The following INPP5D variants were observed in gnomAD, a reference collection of about 807,000 sequenced individuals.
INPP5D encodes phosphatidylinositol 3,4,5-trisphosphate 5-phosphatase 1.
In INPP5D, 33 loss-of-function variants were observed where a neutral mutation model predicts 122.9. The observed-to-expected ratio is 0.27, with a 90% CI of 0.20 to 0.36. The LOEUF is 0.36. INPP5D is among the 10% of genes least tolerant of loss of function. The probability of loss-of-function intolerance (pLI) is 1.00; values close to 1 mark genes in which losing one functional copy is unlikely to be tolerated. For synonymous variants in INPP5D, 584 were observed against 576.2 expected, an observed-to-expected ratio of 1.01 and a Z score of -0.19; for missense variants, 1,053 against 1,412.7, an observed-to-expected ratio of 0.75 and a Z score of 4.08.
At chr2:233,155,429 C>G (rs936864225) in intron 9 of INPP5D, among the ~76,000 whole-genome samples, 10 of 152,016 alleles carry the variant, frequency 6.6e-5, no homozygotes, top group Non-Finnish European at 1.3e-4. Context: ...TCAAGACCAG[C>G]CTGGCCAACA....
chr2:233,202,281 C>T (rs1036618358), intron 25 of INPP5D, among the ~76,000 whole-genome samples: 22 of 152,228 alleles, frequency 1.4e-4, no homozygotes, highest in African/African-American at 5.3e-4. Context: ...TTGGCTAACT[C>T]ACAGCAACGG....
intron 2 of INPP5D, among the ~76,000 whole-genome samples, chr2:233,084,814 G>A (rs762254851): frequency 1.3e-5 from 2 of 152,258 alleles, no homozygotes; most frequent in Non-Finnish European, 2.9e-5. Context: ...GCTGCCCTGT[G>A]TGGGCTCCAC....
At position 233,170,969 on chromosome 2, in the gene INPP5D, C is replaced by A. The variant is rs1694480839; in HGVS notation, c.1901-95C>A. ...GAGCCTTTCCAGCCATCCTTTCGTCCCCTTTCCCCTGATTTCCTACCAGAA... is the reference window on the plus strand; with the variant it reads ...GAGCCTTTCCAGCCATCCTTTCGTCACCTTTCCCCTGATTTCCTACCAGAA... On this transcript the variant is annotated intron_variant, in intron 16 of 26. Transcript: ENST00000445964. The surrounding 1 kb of genome is among the most constrained non-coding windows in gnomAD (Gnocchi z 4.5). 4.6e-6 allele frequency: 7 copies of A among 1,526,866 alleles called. No homozygotes were observed. Among genetic ancestry groups the A allele is most frequent in the Non-Finnish European group, 5.3e-6 (6 of 1,128,048 alleles). 94.6% of individuals were successfully genotyped at this position (1,526,866 alleles called of 1,614,324 possible).
chr2:233,161,546 G>A (rs1415149912), intron 10 of INPP5D, among the ~76,000 whole-genome samples, 178 bp from the exon 11 acceptor site: 1 of 152,176 alleles, frequency 6.6e-6, no homozygotes, highest in Non-Finnish European at 1.5e-5. Flanking sequence ...GCAGGGGAGT[G>A]TCTAGGCCAG....
At chr2:233,176,397 A>G (rs868180890) in intron 17 of INPP5D, among the ~76,000 whole-genome samples, 3 of 149,120 alleles carry the variant, frequency 2.0e-5, no homozygotes, top group Admixed American at 6.7e-5. Context: ...GGATGGATGG[A>G]TGGATAGATA....
At chr2:233,142,889 C>CT (rs1221606122) in intron 6 of INPP5D, among the ~76,000 whole-genome samples, 3 of 152,082 alleles carry the variant, frequency 2.0e-5, no homozygotes, top group Admixed American at 1.3e-4. Context: ...TGGAGGACTC[C>CT]TGTGCACTCT....
intron 19 of INPP5D, 62 bp downstream of exon 19, chr2:233,182,561 G>T: frequency 3.1e-6 from 5 of 1,599,886 alleles, no homozygotes; most frequent in Non-Finnish European, 2.6e-6. Flanking sequence ...TTGGGAGCTT[G>T]TCTTCAGGTG....
Position 233,165,880 on chromosome 2 carries a change from G to A in INPP5D, c.1555+1456G>A, listed in dbSNP as rs545612470. On this transcript the variant is annotated intron_variant, in intron 13 of 26. Transcript: ENST00000445964. ...TGTGTGTGTGTGTGTGCCCGTGTGT[G>A]CACGTGGGGTGGTATACACACAGGG... Among the ~76,000 whole-genome samples, 6 of 152,148 alleles carry A rather than the reference G, an allele frequency of 3.9e-5. No individual in the cohort carries two copies. In the East Asian group the frequency reaches 1.2e-3, roughly 29 times the overall value.
At chr2:233,181,300 T>C (rs1197313307) in intron 18 of INPP5D, among the ~76,000 whole-genome samples, 1 of 152,234 alleles carries the variant, frequency 6.6e-6, no homozygotes, top group Admixed American at 6.5e-5. Context: ...TATCTTTTTC[T>C]TGCTGATTTG....
chr2:233,204,795 TATGTGTGTGC>T (rs948619151), intron 26 of INPP5D, 78 bp downstream of exon 26: 9 of 1,206,262 alleles, frequency 7.5e-6, no homozygotes, highest in African/African-American at 3.2e-5. Context: ...TACCTATGCA[TATGTGTGTGC>T]ATGTGTGTGT....
chr2:233,083,100 G>A (rs1024241738), intron 2 of INPP5D, among the ~76,000 whole-genome samples: 7 of 152,220 alleles, frequency 4.6e-5, no homozygotes, highest in Non-Finnish European at 8.8e-5. Context: ...CTCCATTCCC[G>A]GCTGGGATCT....
chr2:233,170,552 C>T lies in INPP5D; in HGVS notation c.1848C>T (p.Ser616=), dbSNP rs1694466843. 1.2e-6 allele frequency: 2 copies of T among 1,613,710 alleles called. No individual in the cohort carries two copies. Among genetic ancestry groups the T allele is most frequent in the East Asian group, 2.2e-5 (1 of 44,858 alleles). ...IKQQQYADLL[S]HDQLLTERRE... ...AGCAGCAGTACGCAGACCTCCTGTC[C>T]CACGACCAGCTGCTCACAGAGAGGA... Residue 616 remains serine (S), a synonymous_variant, in exon 16 of 27, where the codon TCC becomes TCT. Coordinates refer to ENST00000445964, the MANE Select transcript of INPP5D (RefSeq NM_001017915.3). The surrounding 1 kb of genome is among the most constrained non-coding windows in gnomAD (Gnocchi z 4.5).
At chr2:233,102,063 A>C in intron 2 of INPP5D, among the ~76,000 whole-genome samples, 1 of 152,116 alleles carries the variant, frequency 6.6e-6, no homozygotes, top group East Asian at 1.9e-4. Context: ...CACTTGGGCA[A>C]GTAGGTCTTG....
intron 5 of INPP5D, among the ~76,000 whole-genome samples, chr2:233,132,626 A>G (rs992549430): frequency 4.6e-5 from 7 of 152,182 alleles, no homozygotes; most frequent in Non-Finnish European, 7.3e-5. Context: ...GATGCTTCCC[A>G]TTTCTCCTGC....
At chr2:233,181,391 C>T (rs985496886) in intron 18 of INPP5D, among the ~76,000 whole-genome samples, 3 of 152,068 alleles carry the variant, frequency 2.0e-5, no homozygotes, top group African/African-American at 7.2e-5. Flanking sequence ...CTTTGCCCGC[C>T]CATTCATGGT....
chr2:233,137,962 TTATAA>T (rs1188315459), intron 5 of INPP5D, among the ~76,000 whole-genome samples: 4 of 139,196 alleles, frequency 2.9e-5, no homozygotes, highest in Admixed American at 7.7e-5. Context: ...TGATATTATA[TTATAA>T]TATAATGAGA....
At chr2:233,119,701 C>A (rs909384622) in intron 2 of INPP5D, among the ~76,000 whole-genome samples, 5 of 152,078 alleles carry the variant, frequency 3.3e-5, no homozygotes, top group African/African-American at 9.7e-5. Flanking sequence ...AGAGACAGAG[C>A]CAGAGCCCAG....
At chr2:233,118,659 C>A (rs544346824) in intron 2 of INPP5D, among the ~76,000 whole-genome samples, 1 of 152,236 alleles carries the variant, frequency 6.6e-6, no homozygotes, top group African/African-American at 2.4e-5. Context: ...GTGCTTCCTG[C>A]GGGCCCACTG....
rs1015432793 is a variant in INPP5D, at chr2:233,183,892, T to C, written c.2162-516T>C. ...TGTTTAAAAGCAGCTTAAGGATGCTTGCAAAAGCATCGTCTAAATTAATAC... is the reference window on the plus strand; with the variant it reads ...TGTTTAAAAGCAGCTTAAGGATGCTCGCAAAAGCATCGTCTAAATTAATAC... On this transcript the variant is annotated intron_variant, in intron 19 of 26. Coordinates refer to ENST00000445964, the MANE Select transcript of INPP5D (RefSeq NM_001017915.3). This position sits in a 1 kb window ranked among gnomAD's most constrained non-coding sequence, Gnocchi z 4.6. Among the ~76,000 whole-genome samples the C allele has an allele frequency of 6.6e-6, 1 of 152,222 alleles. No homozygotes were observed. Among genetic ancestry groups the C allele is most frequent in the Admixed American group, 6.5e-5 (1 of 15,282 alleles).
Sources: gnomAD v4.1 joint callset for allele counts (sites outside exome capture counted in the v4.1 genomes callset) on GRCh38, gnomAD v4.1.1 for gene constraint, Gnocchi (gnomAD v3.1) non-coding constraint, MANE v1.5 for transcripts, NCBI Gene and HGNC (gene_info 2026-07-23, HGNC 2026-07-21) for gene names.